STK32B: variants seen among roughly 807,000 people sequenced by gnomAD.
STK32B encodes serine/threonine kinase 32B, also known as serine/threonine-protein kinase 32B.
A neutral mutation model predicts 52.6 loss-of-function variants in STK32B; 43 were observed. The ratio of observed to expected loss-of-function variants is 0.82; its 90% CI spans 0.64 to 1.05. STK32B has a LOEUF of 1.05. Among genes scored for constraint, STK32B ranks in the 50% least tolerant of loss-of-function variants. STK32B has a pLI of 0.00. For synonymous variants in STK32B, 238 were observed against 204.3 expected (o/e 1.17, Z -1.41); for missense variants, 621 against 534.6 (o/e 1.16, Z -1.59).
rs181119742 is a variant in STK32B, at chr4:5,399,217, G to A, written c.472+973G>A. ...ACATGGGGTTGGCTGGAGGGAGCAG[G>A]TGCGAATTCTTCTGAAGTAGGGATT... On this transcript the variant is annotated intron_variant, in intron 5 of 11. Transcript: ENST00000282908. The surrounding 1 kb of genome is among the most constrained non-coding windows in gnomAD (Gnocchi z 5.4). Among the ~76,000 whole-genome samples, 1 of 152,278 alleles carries A rather than the reference G, an allele frequency of 6.6e-6. No individual in the cohort carries two copies. Among genetic ancestry groups the A allele is most frequent in the African/African-American group, 2.4e-5 (1 of 41,548 alleles).
chr4:5,292,519 C>T (rs993790311), intron 3 of STK32B, among the ~76,000 whole-genome samples: 10 of 151,438 alleles, frequency 6.6e-5, no homozygotes, highest in Admixed American at 1.3e-4. Flanking sequence ...TGTTTCAGTT[C>T]CTTATAGATT....
chr4:5,064,268 A>G (rs1305033425), intron 1 of STK32B, among the ~76,000 whole-genome samples: 3 of 141,628 alleles, frequency 2.1e-5, no homozygotes, highest in Non-Finnish European at 3.1e-5. Context: ...AAAAACATAT[A>G]TGATATATAT....
At chr4:5,495,481 A>AT (rs1307201743) in intron 11 of STK32B, among the ~76,000 whole-genome samples, 1 of 151,868 alleles carries the variant, frequency 6.6e-6, no homozygotes, top group Non-Finnish European at 1.5e-5. Context: ...ATTCGTCTGA[A>AT]TTTTTTTCAA....
chr4:5,351,252 A>T (rs1733804503), intron 4 of STK32B, among the ~76,000 whole-genome samples: 1 of 152,124 alleles, frequency 6.6e-6, no homozygotes, highest in African/African-American at 2.4e-5. Flanking sequence ...AATTGAAATT[A>T]TGTCAAATGT....
chr4:5,288,276 G>T (rs938276075), intron 3 of STK32B, among the ~76,000 whole-genome samples: 2 of 152,116 alleles, frequency 1.3e-5, no homozygotes, highest in African/African-American at 4.8e-5. Flanking sequence ...GTGAAGGATG[G>T]CATAGTAACT....
chr4:5,499,241 T>C lies in STK32B; in HGVS notation c.*158T>C, dbSNP rs1043460002. 1.3e-5 allele frequency: 13 copies of C among 1,006,694 alleles called. No individual in the cohort carries two copies. The highest frequency in any genetic ancestry group is 1.2e-4 in the African/African-American group (7 of 60,216). The allele number at this position is 1,006,694 out of a possible 1,614,324, so 62.4% of individuals were successfully genotyped here. A position where few individuals can be genotyped will look rare whatever the true frequency, so the allele number is the denominator to read the frequency against. ...CTGGGAAGCCTGGGTTCTGGTCCCA[T>C]CTCCATGACTGATTCACGTGTGACC... On this transcript the variant is annotated 3_prime_UTR_variant, in exon 12 of 12. Transcript: ENST00000282908.
At chr4:5,268,366 G>A (rs1352620957) in intron 3 of STK32B, among the ~76,000 whole-genome samples, 2 of 152,080 alleles carry the variant, frequency 1.3e-5, no homozygotes, top group African/African-American at 2.4e-5. Flanking sequence ...TATCTGCCTC[G>A]ACCGCTCTGC....
chr4:5,173,335 C>T (rs887001792), intron 3 of STK32B, among the ~76,000 whole-genome samples: 8 of 151,948 alleles, frequency 5.3e-5, no homozygotes, highest in African/African-American at 1.9e-4. Flanking sequence ...TTATTTCTTG[C>T]CTTCTCCTAG....
chr4:5,163,316 A>G (rs1718591256), intron 2 of STK32B, among the ~76,000 whole-genome samples: 1 of 152,182 alleles, frequency 6.6e-6, no homozygotes, highest in African/African-American at 2.4e-5. Flanking sequence ...CCAGATAAAA[A>G]CGGGGATTTA....
At chr4:5,024,758 G>A in the STK32B span, among the ~76,000 whole-genome samples, 24 of 152,354 alleles carry the variant, frequency 1.6e-4, no homozygotes, top group South Asian at 2.3e-3. Context: ...GCAAGCCAGA[G>A]TATTGGGGAC....
intron 2 of STK32B, among the ~76,000 whole-genome samples, chr4:5,149,431 GA>G (rs915331906): frequency 6.6e-6 from 1 of 151,656 alleles, no homozygotes; most frequent in African/African-American, 2.4e-5. Context: ...TAGTGCTGTG[GA>G]TTAGTTGAAT....
intron 6 of STK32B, among the ~76,000 whole-genome samples, chr4:5,442,671 C>T (rs1714904678): frequency 6.6e-6 from 1 of 151,980 alleles, no homozygotes; most frequent in Non-Finnish European, 1.5e-5. Flanking sequence ...TTATTTTGCT[C>T]GTTAGTTGAT....
At chr4:5,476,926 C>G (rs1181435945) in intron 11 of STK32B, among the ~76,000 whole-genome samples, 6 of 151,802 alleles carry the variant, frequency 4.0e-5, no homozygotes, top group African/African-American at 1.5e-4. Context: ...GTGGCTACCA[C>G]CAGAAACTGG....
At chr4:5,322,073 C>G (rs1473261373) in intron 3 of STK32B, among the ~76,000 whole-genome samples, 1 of 149,390 alleles carries the variant, frequency 6.7e-6, no homozygotes, top group Non-Finnish European at 1.5e-5. Flanking sequence ...GTGGCTCACA[C>G]CTGTAATCCC....
At chr4:5,364,381 TG>T in intron 4 of STK32B, among the ~76,000 whole-genome samples, 1 of 152,316 alleles carries the variant, frequency 6.6e-6, no homozygotes, top group Admixed American at 6.5e-5. Context: ...GATCCTGCTT[TG>T]CAGGTCCCTG....
intron 3 of STK32B, among the ~76,000 whole-genome samples, chr4:5,310,839 TGATA>T (rs1207492170): frequency 6.6e-6 from 1 of 152,200 alleles, no homozygotes; most frequent in Non-Finnish European, 1.5e-5. Flanking sequence ...TATATGTACA[TGATA>T]GAGTACTATT....
intron 4 of STK32B, among the ~76,000 whole-genome samples, chr4:5,383,782 C>T (rs573207680): frequency 6.6e-6 from 1 of 152,324 alleles, no homozygotes; most frequent in South Asian, 2.1e-4. Flanking sequence ...TCTGATTCAT[C>T]CATTCAACTA....
chr4:5,425,217 T>G (rs1259461569), intron 6 of STK32B, among the ~76,000 whole-genome samples: 1 of 152,202 alleles, frequency 6.6e-6, no homozygotes, highest in African/African-American at 2.4e-5. Context: ...GTGAGCAGAA[T>G]GAGCCATTCA....
intron 11 of STK32B, among the ~76,000 whole-genome samples, chr4:5,493,072 A>T (rs1276755352): frequency 3.3e-5 from 5 of 151,372 alleles, no homozygotes; most frequent in Admixed American, 3.3e-4. Context: ...TGGCTTTGGT[A>T]TCAGGATGAT....
Sources: gnomAD v4.1 joint callset for allele counts (sites outside exome capture counted in the v4.1 genomes callset) on GRCh38, gnomAD v4.1.1 for gene constraint, Gnocchi (gnomAD v3.1) non-coding constraint, MANE v1.5 for transcripts, NCBI Gene and HGNC (gene_info 2026-07-23, HGNC 2026-07-21) for gene names.